SLC35F2: variants seen among roughly 807,000 people sequenced by gnomAD.
SLC35F2 encodes queuine/queuosine transporter SLC35F2.
A neutral mutation model predicts 38.1 loss-of-function variants in SLC35F2; 25 were observed. The observed-to-expected ratio is 0.66, with a 90% CI of 0.48 to 0.92. The LOEUF (loss-of-function observed/expected upper bound fraction) is 0.92, where lower values mean the gene tolerates loss of function less well. Among genes scored for constraint, SLC35F2 ranks in the 40% least tolerant of loss-of-function variants. SLC35F2 has a pLI of 0.00. For synonymous variants in SLC35F2, 173 were observed against 181.7 expected (o/e 0.95, Z 0.38); for missense variants, 409 against 452.9 (o/e 0.90, Z 0.88).
In SLC35F2 at chr11:107,805,436, G is replaced by A; in HGVS notation, c.654C>T (p.Tyr218=). Residue 218 remains tyrosine, a synonymous_variant, in exon 5 of 8, where the codon TAC becomes TAT. Transcript: ENST00000525815. ...LYAISNVCEE[Y]IVKKLSRQEF... Reference sequence around the variant, plus strand: ...CCTGTCTGCTCAGCTTCTTCACGATGTATTCCTCACAAACATTTGAAATGG... The same window carrying A: ...CCTGTCTGCTCAGCTTCTTCACGATATATTCCTCACAAACATTTGAAATGG... 6.2e-7 allele frequency: 1 copy of A among 1,614,120 alleles called. No homozygotes were observed. Among genetic ancestry groups the A allele is most frequent in the Non-Finnish European group, 8.5e-7 (1 of 1,180,020 alleles).
At chr11:107,799,550 T>C (rs573362972) in intron 7 of SLC35F2, among the ~76,000 whole-genome samples, 1 of 152,268 alleles carries the variant, frequency 6.6e-6, no homozygotes, top group African/African-American at 2.4e-5. Context: ...CCCATCAGGA[T>C]GACTTCTCTG....
In SLC35F2 at chr11:107,792,642, G is replaced by C. The variant is rs1445073019; in HGVS notation, c.1098C>G (p.Leu366=). Residue 366 remains leucine, a synonymous_variant, in exon 8 of 8, where the codon CTC becomes CTG. Coordinates refer to ENST00000525815, the MANE Select transcript of SLC35F2 (RefSeq NM_017515.5). ...DNLGLKLEEN[L]QETHSAVL is the part of the protein sequence containing the mutation. ...ACAAGACAGCAGAGTGGGTCTCCTG[G>C]AGGTTCTCCTCCAGCTTCAGCCCCA... The C allele has an allele frequency of 6.2e-7, 1 of 1,613,074 alleles. No individual in the cohort carries two copies. Among genetic ancestry groups the C allele is most frequent in the Non-Finnish European group, 8.5e-7 (1 of 1,179,684 alleles).
chr11:107,791,125 A>C lies in SLC35F2; in HGVS notation c.*1490T>G, dbSNP rs1348243845. 6.6e-6 allele frequency: 1 copy of C among 152,648 alleles called. No homozygotes were observed. Among genetic ancestry groups the C allele is most frequent in the Non-Finnish European group, 1.5e-5 (1 of 68,044 alleles). 9.5% of individuals were successfully genotyped at this position (152,648 alleles called of 1,614,324 possible). Reference sequence around the variant, plus strand: ...TTGGTTGTTATTATACTGATGACACATATTAACACTTTGTATTGAAGAAGT... The same window carrying C: ...TTGGTTGTTATTATACTGATGACACCTATTAACACTTTGTATTGAAGAAGT... On this transcript the variant is annotated 3_prime_UTR_variant, in exon 8 of 8. Transcript: ENST00000525815.
chr11:107,830,957 C>T (rs1859830424), intron 1 of SLC35F2, among the ~76,000 whole-genome samples: 3 of 152,064 alleles, frequency 2.0e-5, no homozygotes, highest in African/African-American at 4.8e-5. Context: ...CTGAAGATTG[C>T]TGATCTAATA....
At chr11:107,827,227 C>G (rs1591199013) in intron 1 of SLC35F2, among the ~76,000 whole-genome samples, 1 of 152,244 alleles carries the variant, frequency 6.6e-6, no homozygotes, top group East Asian at 1.9e-4. Context: ...TATCCTATCT[C>G]TTTCCCCTAA....
At chr11:107,825,734 T>C (rs2134813765) in intron 1 of SLC35F2, among the ~76,000 whole-genome samples, 1 of 152,222 alleles carries the variant, frequency 6.6e-6, no homozygotes, top group South Asian at 2.1e-4. Context: ...GGACCAGACT[T>C]TGAGTGAGCA....
intron 3 of SLC35F2, among the ~76,000 whole-genome samples, chr11:107,809,327 T>TAAAAAAA (rs1859445017): frequency 4.6e-5 from 1 of 21,834 alleles, no homozygotes. Context: ...CTACTCAAAA[T>TAAAAAAA]ACAAAAAAAA....
intron 1 of SLC35F2, among the ~76,000 whole-genome samples, chr11:107,854,865 TC>T (rs1417235159): frequency 6.6e-6 from 1 of 152,154 alleles, no homozygotes; most frequent in African/African-American, 2.4e-5. Flanking sequence ...TGGTTATAAA[TC>T]TCTCTCTGTA....
At chr11:107,819,511 T>C (rs1402112406) in intron 1 of SLC35F2, among the ~76,000 whole-genome samples, 1 of 152,198 alleles carries the variant, frequency 6.6e-6, no homozygotes, top group Non-Finnish European at 1.5e-5. Flanking sequence ...AGAGTTGCTA[T>C]CTCCTTCTCT....
At chr11:107,816,764 G>A (rs890406871) in intron 1 of SLC35F2, among the ~76,000 whole-genome samples, 27 of 152,100 alleles carry the variant, frequency 1.8e-4, no homozygotes, top group African/African-American at 6.3e-4. Flanking sequence ...CTCCATTTTG[G>A]ACATGCTGGA....
intron 1 of SLC35F2, among the ~76,000 whole-genome samples, chr11:107,817,489 T>G (rs546949451): frequency 2.6e-4 from 40 of 152,122 alleles, no homozygotes; most frequent in African/African-American, 8.4e-4. Flanking sequence ...CCAAATCCAG[T>G]CTCCACACTG....
At chr11:107,825,449 G>A (rs923889402) in intron 1 of SLC35F2, among the ~76,000 whole-genome samples, 8 of 142,280 alleles carry the variant, frequency 5.6e-5, no homozygotes, top group East Asian at 2.2e-4. Context: ...GCGGCTCACC[G>A]CAACCTCCAC....
chr11:107,839,066 A>AT (rs1320887104), intron 1 of SLC35F2, among the ~76,000 whole-genome samples: 1 of 152,184 alleles, frequency 6.6e-6, no homozygotes, highest in African/African-American at 2.4e-5. Flanking sequence ...GTAAGTCTAC[A>AT]TTTTTCCCGT....
intron 3 of SLC35F2, 22 bp from the exon 4 acceptor site, chr11:107,806,898 A>C: frequency 6.2e-7 from 1 of 1,606,004 alleles, no homozygotes; most frequent in Non-Finnish European, 8.5e-7. Context: ...GAGAATCAAC[A>C]GTTTAAAACA....
intron 3 of SLC35F2, among the ~76,000 whole-genome samples, chr11:107,807,604 G>A (rs1025344864): frequency 6.7e-6 from 1 of 148,672 alleles, no homozygotes; most frequent in Non-Finnish European, 1.5e-5. Flanking sequence ...ATGGAGTCTC[G>A]CTCTGTTGCC....
At chr11:107,842,818 A>AAAG (rs1174806574) in intron 1 of SLC35F2, among the ~76,000 whole-genome samples, 1 of 152,232 alleles carries the variant, frequency 6.6e-6, no homozygotes, top group Non-Finnish European at 1.5e-5. Flanking sequence ...TCTGTGAATG[A>AAAG]AAGAAGCCCT....
In SLC35F2 at chr11:107,803,345, G is replaced by A. The variant is rs1338663938; in HGVS notation, c.785-190C>T. The A allele has an allele frequency of 5.1e-6, 5 of 985,000 alleles. No homozygotes were observed. In the African/African-American group the frequency reaches 5.2e-5, roughly 10 times the overall value. 61.0% of individuals were successfully genotyped at this position (985,000 alleles called of 1,614,324 possible). On this transcript the variant is annotated intron_variant, in intron 6 of 7. Transcript: ENST00000525815. Reference sequence around the variant, plus strand: ...AAAAAGAATATAAATAGCAAGTTGTGATGTAGATAAAGGACCTCAAAAAAT... The same window carrying A: ...AAAAAGAATATAAATAGCAAGTTGTAATGTAGATAAAGGACCTCAAAAAAT...
At chr11:107,805,596 T>G (rs1859378286) in intron 4 of SLC35F2, 81 bp from the exon 5 acceptor site, 1 of 1,505,040 alleles carries the variant, frequency 6.6e-7, no homozygotes, top group African/African-American at 1.4e-5. Context: ...GTCATCTGAC[T>G]CGTGTTCATT....
chr11:107,814,479 A>T (rs1859532291), intron 2 of SLC35F2, among the ~76,000 whole-genome samples: 1 of 151,344 alleles, frequency 6.6e-6, no homozygotes, highest in Non-Finnish European at 1.5e-5. Flanking sequence ...AAAAAGAAGA[A>T]GCTGCAGCTA....
Sources: gnomAD v4.1 joint callset for allele counts (sites outside exome capture counted in the v4.1 genomes callset) on GRCh38, gnomAD v4.1.1 for gene constraint, MANE v1.5 for transcripts, NCBI Gene and HGNC (gene_info 2026-07-23, HGNC 2026-07-21) for gene names.